The following MMP10 variants were observed in gnomAD, a reference collection of about 807,000 sequenced individuals.
MMP10 encodes stromelysin-2.
In MMP10, 50 loss-of-function variants were observed where a neutral mutation model predicts 49.1. The observed-to-expected ratio is 1.02, with a 90% confidence interval of 0.81 to 1.29. MMP10 has a LOEUF of 1.29. Ranked by LOEUF, MMP10 falls within the 50% of genes most tolerant of loss-of-function variation. The pLI is 0.00. For synonymous variants in MMP10, 229 were observed against 201.6 expected (o/e 1.14, Z -1.15); for missense variants, 613 against 563.8 (o/e 1.09, Z -0.88).
In MMP10 at chr11:102,779,195, G is replaced by T. The variant is rs532868676; in HGVS notation, c.496+18C>A. On this transcript the variant is annotated intron_variant, in intron 3 of 9. Transcript: ENST00000279441. ...AACAGATGAATACACCAGATAAATG[G>T]ATGCTTTATTTGATTACCTTTAACT... The T allele has an allele frequency of 2.5e-6, 4 of 1,611,678 alleles. No homozygotes were observed. In the African/African-American group the frequency reaches 5.3e-5, roughly 21 times the overall value.
rs1419266044 is a variant in MMP10, at chr11:102,779,194, G to T, written c.496+19C>A. 6.2e-7 allele frequency: 1 copy of T among 1,611,488 alleles called. No homozygotes were observed. Among genetic ancestry groups the T allele is most frequent in the African/African-American group, 1.3e-5 (1 of 74,842 alleles). On this transcript the variant is annotated intron_variant, in intron 3 of 9. Transcript: ENST00000279441. Reference sequence around the variant, plus strand: ...GAACAGATGAATACACCAGATAAATGGATGCTTTATTTGATTACCTTTAAC... The same window carrying T: ...GAACAGATGAATACACCAGATAAATTGATGCTTTATTTGATTACCTTTAAC...
rs770446627 is a variant in MMP10 at position 102,779,466 on chromosome 11, G to T, written c.347+38C>A. On this transcript the variant is annotated intron_variant, in intron 2 of 9. Transcript: ENST00000279441. ...TCCAAATATGACGAGTAACTTATAA[G>T]GTTTCAATATTATGTGAAAACTAAT... is the stretch of plus-strand genomic sequence containing the variant. The T allele has an allele frequency of 3.7e-6, 6 of 1,611,526 alleles. No individual in the cohort carries two copies. The East Asian group carries it at 1.3e-4, about 36-fold the overall frequency.
chr11:102,775,314 A>G lies in MMP10; in HGVS notation c.940T>C (p.Trp314Arg). 6.2e-7 allele frequency: 1 copy of G among 1,605,228 alleles called. No individual in the cohort carries two copies. The highest frequency in any genetic ancestry group is 8.5e-7 in the Non-Finnish European group (1 of 1,175,874). ...TCAGGGTTCCAGTGGGATCTTCGCCAAAAATATCTGTAATACATAAAATTA... is the reference window on the plus strand; with the variant it reads ...TCAGGGTTCCAGTGGGATCTTCGCCGAAAATATCTGTAATACATAAAATTA... ...EYLFFKDRYF[W>R]RRSHWNPEPE... The change falls in exon 7 of 10, where the codon TGG (tryptophan) becomes CGG (arginine). Residue 314 changes from tryptophan to arginine, a missense_variant. Physicochemically the swap from Trp to Arg is moderately radical, Grantham distance 101. Coordinates refer to ENST00000279441, the MANE Select transcript of MMP10 (RefSeq NM_002425.3).
rs558198018 is a variant in MMP10, at chr11:102,772,861, C to T, written c.1212G>A (p.Ala404=). The T allele has an allele frequency of 4.6e-5, 74 of 1,609,930 alleles. 1 individual carries two copies. Among genetic ancestry groups the T allele is most frequent in the African/African-American group, 1.5e-4 (11 of 74,750 alleles). ...KEKKKTYFFA[A]DKYWRFDENS... is the part of the protein sequence containing the mutation. ...TTGCATCTCACCTCCAGTATTTGTC[C>T]GCTGCAAAGAAGTATGTTTTCTTCT... The change falls in exon 8 of 10, where the codon GCG becomes GCA. Residue 404 remains alanine, a synonymous_variant. Coordinates refer to ENST00000279441, the MANE Select transcript of MMP10 (RefSeq NM_002425.3). This position sits in a 1 kb window ranked among gnomAD's most constrained non-coding sequence, Gnocchi z 4.4.
intron 5 of MMP10, 63 bp downstream of exon 5, chr11:102,776,549 G>A (rs1857740205): frequency 8.2e-6 from 13 of 1,581,914 alleles, no homozygotes; most frequent in Non-Finnish European, 1.1e-5. Context: ...GGTAGCACTG[G>A]AAAGCTTTCT....
In MMP10 at chr11:102,772,475, T is replaced by C. The variant is rs528394338; in HGVS notation, c.1227-360A>G. Among the ~76,000 whole-genome samples the C allele has an allele frequency of 3.2e-4, 49 of 152,300 alleles. No individual in the cohort carries two copies. Among genetic ancestry groups the C allele is most frequent in the African/African-American group, 1.1e-3 (47 of 41,568 alleles). ...AATTCATAATGCAAAATTAATTAAA[T>C]CACTTAGCTAAAAATAAACCTCTGG... On this transcript the variant is annotated intron_variant, in intron 8 of 9. Transcript: ENST00000279441. This position sits in a 1 kb window ranked among gnomAD's most constrained non-coding sequence, Gnocchi z 4.4.
intron 3 of MMP10, 144 bp downstream of exon 3, chr11:102,779,069 T>C: frequency 8.3e-7 from 1 of 1,201,608 alleles, no homozygotes; most frequent in Non-Finnish European, 1.1e-6. Flanking sequence ...CTAAATCTGC[T>C]GGCACCTTAA....
chr11:102,776,588 C>T, intron 5 of MMP10, 24 bp downstream of exon 5: 4 of 1,601,388 alleles, frequency 2.5e-6, no homozygotes, highest in Non-Finnish European at 3.4e-6. Flanking sequence ...ATCTGCAATG[C>T]CTAATTTTTC....
At chr11:102,776,914 G>T (rs1432913377) in intron 4 of MMP10, 138 bp from the exon 5 acceptor site, 9 of 973,148 alleles carry the variant, frequency 9.2e-6, no homozygotes, top group Non-Finnish European at 1.4e-5. Flanking sequence ...TCATTGATTG[G>T]CACATTCCAT....
At chr11:102,776,824 T>C (rs1322574755) in intron 4 of MMP10, 48 bp from the exon 5 acceptor site, 1 of 1,607,260 alleles carries the variant, frequency 6.2e-7, no homozygotes, top group African/African-American at 1.3e-5. Context: ...CTTTCTTCCA[T>C]AAATACACAT....
At chr11:102,779,407 T>C in intron 2 of MMP10, 46 bp from the exon 3 acceptor site, 1 of 1,609,026 alleles carries the variant, frequency 6.2e-7, no homozygotes, top group Non-Finnish European at 8.5e-7. Flanking sequence ...CCTGCCTTTA[T>C]GAAAAATTGT....
In MMP10 at chr11:102,771,984, C is replaced by CA. The variant is rs749509234; in HGVS notation, c.1330+27dup. ...TCATAAAAATGCCTGGAGATTCCTG[C>CA]ATGACAATGAAATAAGGGTCTTCTT... On this transcript the variant is annotated intron_variant, in intron 9 of 9. Coordinates refer to ENST00000279441, the MANE Select transcript of MMP10 (RefSeq NM_002425.3). The CA allele has an allele frequency of 4.6e-6, 4 of 867,016 alleles. No homozygotes were observed. In the East Asian group the frequency reaches 1.1e-4, roughly 24 times the overall value. The allele number at this position is 867,016 out of a possible 1,614,324, so 53.7% of individuals were successfully genotyped here.
chr11:102,773,007 C>T lies in MMP10; in HGVS notation c.1067-1G>A. 6.3e-7 allele frequency: 1 copy of T among 1,579,648 alleles called. No homozygotes were observed. On this transcript the variant is annotated splice_acceptor_variant, in intron 7 of 9. Transcript: ENST00000279441. LOFTEE classifies it high-confidence loss of function. ...CCTCTGATGGCCCAGAACTCATTTCCTATTGAAAAAATAAATCCAAGACAT... is the reference window on the plus strand; with the variant it reads ...CCTCTGATGGCCCAGAACTCATTTCTTATTGAAAAAATAAATCCAAGACAT...
At chr11:102,777,490 A>G (rs1292888047) in intron 4 of MMP10, among the ~76,000 whole-genome samples, 2 of 152,068 alleles carry the variant, frequency 1.3e-5, no homozygotes, top group Admixed American at 6.6e-5. Context: ...CCTGGTCTCA[A>G]GTGATTCACC....
chr11:102,779,257 A>G lies in MMP10; in HGVS notation c.452T>C (p.Leu151Pro). The change falls in exon 3 of 10, where the codon CTG (leucine) becomes CCG (proline). Residue 151 changes from leucine to proline, a missense_variant. Physicochemically the swap from Leu to Pro is moderately conservative, Grantham distance 98. Coordinates refer to ENST00000279441, the MANE Select transcript of MMP10 (RefSeq NM_002425.3). ...EEVTPLTFSRLYEGEADIMIS... is the reference protein window; with the variant it reads ...EEVTPLTFSRPYEGEADIMIS... Reference sequence around the variant, plus strand: ...CATTATATCAGCCTCTCCTTCATACAGCCTGGAGAATGTGAGTGGAGTCAC... The same window carrying G: ...CATTATATCAGCCTCTCCTTCATACGGCCTGGAGAATGTGAGTGGAGTCAC... 1.2e-6 allele frequency: 2 copies of G among 1,614,072 alleles called. No homozygotes were observed. Among genetic ancestry groups the G allele is most frequent in the East Asian group, 4.5e-5 (2 of 44,886 alleles).
chr11:102,780,436 T>G (rs371124294), intron 1 of MMP10, 51 bp downstream of exon 1: 133 of 1,472,016 alleles, frequency 9.0e-5, no homozygotes, highest in Middle Eastern at 5.2e-4. Flanking sequence ...GAAGACCAAG[T>G]AGACACAATT....
At chr11:102,773,950 A>G (rs1195800880) in intron 7 of MMP10, among the ~76,000 whole-genome samples, 1 of 152,228 alleles carries the variant, frequency 6.6e-6, no homozygotes, top group Non-Finnish European at 1.5e-5. Context: ...AGTGATATGT[A>G]AATGTGAGAT....
chr11:102,772,888 T>C lies in MMP10; in HGVS notation c.1185A>G (p.Glu395=), dbSNP rs1423612221. 5 of 1,613,708 alleles carry C rather than the reference T, an allele frequency of 3.1e-6. No homozygotes were observed. In the Admixed American group the frequency reaches 8.3e-5, roughly 27 times the overall value. The change falls in exon 8 of 10, where the codon GAA becomes GAG. Residue 395 remains glutamate, a synonymous_variant. Coordinates refer to ENST00000279441, the MANE Select transcript of MMP10 (RefSeq NM_002425.3). This position sits in a 1 kb window ranked among gnomAD's most constrained non-coding sequence, Gnocchi z 4.4. ...CTGCAAAGAAGTATGTTTTCTTCTT[T>C]TCCTTGTCAGAAACAGCTGCATCAA... ...RKIDAAVSDK[E]KKKTYFFAAD...
rs1390162638 is a variant in MMP10 at position 102,776,421 on chromosome 11, G to A, written c.791C>T (p.Pro264Leu). ...GGGTTCCTCAGTAGAGGCAGGGGGA[G>A]GTCCTAAAGGAAACAGATTTGGGGA... ...DVNGIQSLYG[P>L]PPASTEEPLV... is the part of the protein sequence containing the mutation. The change falls in exon 6 of 10, where the codon CCT becomes CTT. Residue 264 changes from proline to leucine, a missense_variant. Physicochemically the swap from Pro to Leu is moderately conservative, Grantham distance 98 (BLOSUM62 -3). Transcript: ENST00000279441. 1 of 1,610,366 alleles carries A rather than the reference G, an allele frequency of 6.2e-7. No homozygotes were observed. Among genetic ancestry groups the A allele is most frequent in the Admixed American group, 1.7e-5 (1 of 59,066 alleles).
Sources: gnomAD v4.1 joint callset for allele counts (sites outside exome capture counted in the v4.1 genomes callset) on GRCh38, gnomAD v4.1.1 for gene constraint, Gnocchi (gnomAD v3.1) non-coding constraint, MANE v1.5 for transcripts, NCBI Gene and HGNC (gene_info 2026-07-23, HGNC 2026-07-21) for gene names.